The following SLC24A2 variants were observed in gnomAD, a reference collection of about 807,000 sequenced individuals.
SLC24A2 encodes the protein solute carrier family 24 member 2.
A neutral mutation model predicts 62.0 loss-of-function variants in SLC24A2; 36 were observed. That is an observed-to-expected ratio of 0.58 (90% CI 0.44 to 0.77). The LOEUF (loss-of-function observed/expected upper bound fraction) is 0.77. SLC24A2 is among the 30% of genes least tolerant of loss of function. SLC24A2 has a pLI of 0.00. For missense variants in SLC24A2, 846 were observed against 817.9 expected, an observed-to-expected ratio of 1.03 and a Z score of -0.42; for synonymous variants, 358 against 294.0, an observed-to-expected ratio of 1.22 and a Z score of -2.23.
the SLC24A2 span, among the ~76,000 whole-genome samples, chr9:19,858,499 A>T: frequency 2.6e-5 from 4 of 152,356 alleles, no homozygotes; most frequent in East Asian, 5.8e-4. Flanking sequence ...AAAATTGGCA[A>T]ATGGAACCTA....
the SLC24A2 span, among the ~76,000 whole-genome samples, chr9:20,237,651 A>C: frequency 6.6e-6 from 1 of 152,192 alleles, no homozygotes; most frequent in East Asian, 1.9e-4. Context: ...AAGAAAGAGC[A>C]CTCACCTGGC....
At chr9:19,653,570 G>A (rs1239497774) in intron 2 of SLC24A2, among the ~76,000 whole-genome samples, 1 of 152,174 alleles carries the variant, frequency 6.6e-6, no homozygotes, top group Non-Finnish European at 1.5e-5. Context: ...TTGATCTACT[G>A]AAGTTACCCA....
the SLC24A2 span, among the ~76,000 whole-genome samples, chr9:20,072,645 C>G: frequency 5.0e-3 from 760 of 151,698 alleles, 5 homozygotes; most frequent in African/African-American, 0.017. Context: ...ATCTAGTTGG[C>G]ATGATGTAAT....
At chr9:19,522,240 C>G (rs1009990412) in intron 9 of SLC24A2, among the ~76,000 whole-genome samples, 2 of 152,122 alleles carry the variant, frequency 1.3e-5, no homozygotes, top group African/African-American at 4.8e-5. Context: ...CCTCGAGATC[C>G]TCCTGCCTTG....
the SLC24A2 span, among the ~76,000 whole-genome samples, chr9:20,278,546 G>A: frequency 3.8e-3 from 583 of 152,248 alleles, 4 homozygotes; most frequent in African/African-American, 0.013. Flanking sequence ...AGTCACTTTT[G>A]CTCCAGTTCC....
chr9:19,670,623 C>T (rs1317806304), intron 2 of SLC24A2, among the ~76,000 whole-genome samples: 2 of 152,088 alleles, frequency 1.3e-5, no homozygotes, highest in African/African-American at 2.4e-5. Flanking sequence ...ATTATTTGTC[C>T]AAGAGCATAT....
chr9:19,835,225 A>G, the SLC24A2 span, among the ~76,000 whole-genome samples: 7 of 152,212 alleles, frequency 4.6e-5, no homozygotes, highest in Non-Finnish European at 1.0e-4. Context: ...ACACATAACA[A>G]TACTAACCTT....
At chr9:20,141,805 G>A in the SLC24A2 span, among the ~76,000 whole-genome samples, 5 of 152,146 alleles carry the variant, frequency 3.3e-5, no homozygotes, top group East Asian at 3.9e-4. Flanking sequence ...TTAAAAAGGC[G>A]GGCCACGGTG....
chr9:20,075,968 C>T, the SLC24A2 span, among the ~76,000 whole-genome samples: 1 of 152,154 alleles, frequency 6.6e-6, no homozygotes, highest in Non-Finnish European at 1.5e-5. Context: ...TACTTTAAAT[C>T]ATCTCTAGAT....
the SLC24A2 span, among the ~76,000 whole-genome samples, chr9:19,812,764 C>T: frequency 1.7e-5 from 2 of 116,812 alleles, no homozygotes; most frequent in Non-Finnish European, 3.5e-5. Flanking sequence ...ATTTTATCTC[C>T]TTCCAGAAAG....
At chr9:19,877,146 T>C in the SLC24A2 span, among the ~76,000 whole-genome samples, 1 of 151,482 alleles carries the variant, frequency 6.6e-6, no homozygotes, top group Admixed American at 6.6e-5. Context: ...GGAAAAGTGA[T>C]GTTCCTCCCT....
At chr9:20,147,041 G>A in the SLC24A2 span, among the ~76,000 whole-genome samples, 4 of 152,090 alleles carry the variant, frequency 2.6e-5, no homozygotes, top group African/African-American at 7.2e-5. Flanking sequence ...CTATGAGCTG[G>A]CCCTAAGACC....
chr9:20,264,638 G>A, the SLC24A2 span, among the ~76,000 whole-genome samples: 1 of 152,190 alleles, frequency 6.6e-6, no homozygotes, highest in Non-Finnish European at 1.5e-5. Context: ...GAAGATGAGA[G>A]CAATCAATCA....
chr9:20,139,558 A>T, the SLC24A2 span, among the ~76,000 whole-genome samples: 1 of 152,228 alleles, frequency 6.6e-6, no homozygotes, highest in African/African-American at 2.4e-5. Context: ...TAGACACTTT[A>T]TGTGTGCCTT....
chr9:19,616,156 T>C (rs568221879), intron 4 of SLC24A2, among the ~76,000 whole-genome samples: 3 of 152,290 alleles, frequency 2.0e-5, no homozygotes, highest in African/African-American at 7.2e-5. Flanking sequence ...AGAAGACATT[T>C]TTTTTCACCT....
chr9:20,019,139 A>G, the SLC24A2 span, among the ~76,000 whole-genome samples: 23 of 128,356 alleles, frequency 1.8e-4, no homozygotes, highest in African/African-American at 5.5e-4. Flanking sequence ...GAAAGAAAGA[A>G]AGAAAGAAAG....
chr9:19,810,993 C>CACAA, the SLC24A2 span, among the ~76,000 whole-genome samples: 1 of 44,346 alleles, frequency 2.3e-5, no homozygotes, highest in South Asian at 6.4e-4. Context: ...TCTTTCACTC[C>CACAA]GCAGTGAACA....
intron 2 of SLC24A2, among the ~76,000 whole-genome samples, chr9:19,636,814 T>C (rs932931145): frequency 9.9e-5 from 15 of 152,124 alleles, no homozygotes; most frequent in African/African-American, 3.6e-4. Context: ...CACCGTCTAG[T>C]TTTGTGTGTA....
Position 19,516,033 on chromosome 9 carries a change from G to T in SLC24A2, c.*120C>A. ...TCCATCTCTCCTCAAATTCACCAAG[G>T]AGGGACACTTGGCACCCAGGGCTGT... On this transcript the variant is annotated 3_prime_UTR_variant, in exon 11 of 11. Coordinates refer to ENST00000341998, the MANE Select transcript of SLC24A2 (RefSeq NM_020344.4). The T allele has an allele frequency of 8.0e-7, 1 of 1,246,746 alleles. No homozygotes were observed. Among genetic ancestry groups the T allele is most frequent in the Non-Finnish European group, 1.2e-6 (1 of 848,566 alleles). 77.2% of individuals were successfully genotyped at this position (1,246,746 alleles called of 1,614,324 possible). A position where few individuals can be genotyped will look rare whatever the true frequency, so the allele number is the denominator to read the frequency against.
Sources: allele counts gnomAD v4.1 joint callset (sites outside exome capture counted in the v4.1 genomes callset), GRCh38; gene constraint gnomAD v4.1.1; transcripts MANE v1.5; gene names NCBI Gene and HGNC (gene_info 2026-07-23, HGNC 2026-07-21).